Variants in NEGR1 observed in about 807,000 individuals in gnomAD.
The protein encoded by NEGR1 is IgLON family member 4.
In NEGR1, 10 loss-of-function variants were observed where a neutral mutation model predicts 40.9. That is an observed-to-expected ratio of 0.24 (90% confidence interval 0.15 to 0.42). The LOEUF is 0.42. NEGR1 is among the 10% of genes least tolerant of loss of function. The probability of loss-of-function intolerance (pLI) is 1.00; values close to 1 mark genes in which losing one functional copy is unlikely to be tolerated. For missense variants in NEGR1, 352 were observed against 438.9 expected (o/e 0.80, Z 1.77); for synonymous variants, 185 against 166.8 (o/e 1.11, Z -0.84).
At chr1:72,152,739 T>C (rs953715734) in intron 1 of NEGR1, among the ~76,000 whole-genome samples, 1 of 151,914 alleles carries the variant, frequency 6.6e-6, no homozygotes, top group Admixed American at 6.6e-5. Flanking sequence ...CCATCAATGG[T>C]AGAATGGATA....
chr1:72,139,758 C>A (rs369299509), intron 1 of NEGR1, among the ~76,000 whole-genome samples: 2 of 151,854 alleles, frequency 1.3e-5, no homozygotes, highest in African/African-American at 4.8e-5. Context: ...AACAGGGAGC[C>A]TAGGGAAGCA....
chr1:71,988,920 T>C (rs1189623653), intron 1 of NEGR1, among the ~76,000 whole-genome samples: 2 of 99,030 alleles, frequency 2.0e-5, no homozygotes, highest in African/African-American at 6.6e-5. Flanking sequence ...TCATATTGGA[T>C]GTTAAAAAAA....
intron 1 of NEGR1, among the ~76,000 whole-genome samples, chr1:72,162,655 A>G (rs569287775): frequency 6.6e-6 from 1 of 152,270 alleles, no homozygotes; most frequent in South Asian, 2.1e-4. Context: ...TAGAACAACA[A>G]GTGATAAATT....
intron 2 of NEGR1, among the ~76,000 whole-genome samples, chr1:71,871,260 G>A (rs1327183300): frequency 6.6e-6 from 1 of 152,030 alleles, no homozygotes; most frequent in Non-Finnish European, 1.5e-5. Context: ...TAGCTCTAGG[G>A]GTGATCTCAG....
At chr1:71,763,255 C>A (rs1656009802) in intron 3 of NEGR1, among the ~76,000 whole-genome samples, 1 of 152,084 alleles carries the variant, frequency 6.6e-6, no homozygotes, top group Non-Finnish European at 1.5e-5. Flanking sequence ...GGGGGTCCTC[C>A]TTCCACAGTT....
intron 1 of NEGR1, among the ~76,000 whole-genome samples, chr1:72,279,078 C>T (rs1485956777): frequency 1.3e-5 from 2 of 151,998 alleles, no homozygotes; most frequent in African/African-American, 2.4e-5. Context: ...TATATGGCTT[C>T]ACTAACCCTA....
intron 6 of NEGR1, among the ~76,000 whole-genome samples, chr1:71,536,088 A>C (rs1647500462): frequency 6.6e-6 from 1 of 151,670 alleles, no homozygotes; most frequent in Non-Finnish European, 1.5e-5. Flanking sequence ...TTAAGGGAAA[A>C]TTCAACCTTA....
intron 6 of NEGR1, among the ~76,000 whole-genome samples, chr1:71,420,737 C>G (rs561354337): frequency 1.3e-5 from 2 of 152,028 alleles, no homozygotes; most frequent in East Asian, 3.9e-4. Flanking sequence ...AAGTTTAATG[C>G]CTTTTCCAGA....
At chr1:72,238,612 A>G (rs144159227) in intron 1 of NEGR1, among the ~76,000 whole-genome samples, 2 of 151,954 alleles carry the variant, frequency 1.3e-5, no homozygotes, top group South Asian at 2.1e-4. Flanking sequence ...GGCACCTTCA[A>G]CCTGGCACTG....
chr1:71,456,244 C>T (rs1397988213), intron 6 of NEGR1, among the ~76,000 whole-genome samples: 1 of 152,110 alleles, frequency 6.6e-6, no homozygotes, highest in Admixed American at 6.5e-5. Flanking sequence ...ACAGTAAGGG[C>T]ACTTTAAAAA....
At chr1:71,612,298 T>C (rs749162479) in intron 4 of NEGR1, among the ~76,000 whole-genome samples, 2 of 152,252 alleles carry the variant, frequency 1.3e-5, no homozygotes, top group Non-Finnish European at 2.9e-5. Flanking sequence ...GATTTCCTTT[T>C]CAGTTCCTTG....
At chr1:71,806,386 T>TA (rs1324788239) in intron 2 of NEGR1, among the ~76,000 whole-genome samples, 1 of 152,058 alleles carries the variant, frequency 6.6e-6, no homozygotes, top group Non-Finnish European at 1.5e-5. Context: ...AGCCCTATGA[T>TA]AACAAAGATT....
At chr1:71,608,384 T>A (rs1391887564) in intron 5 of NEGR1, among the ~76,000 whole-genome samples, 4 of 151,938 alleles carry the variant, frequency 2.6e-5, no homozygotes, top group Non-Finnish European at 1.5e-5. Flanking sequence ...AAAGCTGTAG[T>A]CCATCTCTAC....
At chr1:71,654,242 C>T (rs903672293) in intron 4 of NEGR1, among the ~76,000 whole-genome samples, 2 of 151,862 alleles carry the variant, frequency 1.3e-5, no homozygotes, top group Non-Finnish European at 2.9e-5. Flanking sequence ...TTTAAGGCAA[C>T]AAAACTATTC....
intron 1 of NEGR1, among the ~76,000 whole-genome samples, chr1:72,104,576 A>G (rs758459687): frequency 9.9e-5 from 15 of 152,118 alleles, no homozygotes; most frequent in Non-Finnish European, 1.8e-4. Context: ...CATAACTTTA[A>G]GATAATAACT....
intron 2 of NEGR1, among the ~76,000 whole-genome samples, chr1:71,898,424 G>A (rs1293480304): frequency 6.6e-6 from 1 of 152,076 alleles, no homozygotes; most frequent in Non-Finnish European, 1.5e-5. Context: ...GACTATCCTG[G>A]CTAACACATT....
chr1:71,783,128 A>T (rs1656776289), intron 2 of NEGR1, among the ~76,000 whole-genome samples: 1 of 151,982 alleles, frequency 6.6e-6, no homozygotes, highest in Non-Finnish European at 1.5e-5. Flanking sequence ...GATGAACTAT[A>T]TTTCTGAAGC....
At chr1:72,085,419 T>C (rs1648179230) in intron 1 of NEGR1, among the ~76,000 whole-genome samples, 1 of 152,156 alleles carries the variant, frequency 6.6e-6, no homozygotes, top group Non-Finnish European at 1.5e-5. Flanking sequence ...AATTATTGAG[T>C]CTGCTTAGTT....
intron 3 of NEGR1, among the ~76,000 whole-genome samples, chr1:71,716,125 A>G (rs1386433179): frequency 6.6e-6 from 1 of 152,154 alleles, no homozygotes; most frequent in African/African-American, 2.4e-5. Context: ...GCAGCAGGAG[A>G]AAGAATAAGT....
Sources: gnomAD v4.1 joint callset for allele counts (sites outside exome capture counted in the v4.1 genomes callset) on GRCh38, gnomAD v4.1.1 for gene constraint, MANE v1.5 for transcripts, NCBI Gene and HGNC (gene_info 2026-07-23, HGNC 2026-07-21) for gene names.